Variants in TMEM182 observed in about 807,000 individuals in gnomAD.
TMEM182 encodes the protein transmembrane protein 182.
A neutral mutation model predicts 26.8 loss-of-function variants in TMEM182; 20 were observed. That is an observed-to-expected ratio of 0.75 (90% CI 0.53 to 1.09). The LOEUF (loss-of-function observed/expected upper bound fraction) is 1.09, where lower values mean the gene tolerates loss of function less well. Ranked by LOEUF, TMEM182 falls within the 50% of genes least tolerant of loss-of-function variation. TMEM182 has a pLI of 0.00. For synonymous variants in TMEM182, 109 were observed against 102.2 expected (o/e 1.07, Z -0.40); for missense variants, 277 against 275.5 (o/e 1.01, Z -0.04).
chr2:102,815,656 A>T lies in TMEM182; in HGVS notation c.*688A>T. The T allele has an allele frequency of 2.0e-6, 2 of 985,054 alleles. No individual in the cohort carries two copies. The highest frequency in any genetic ancestry group is 2.4e-6 in the Non-Finnish European group (2 of 829,562). 61.0% of individuals were successfully genotyped at this position (985,054 alleles called of 1,614,324 possible). A position where few individuals can be genotyped will look rare whatever the true frequency, so the allele number is the denominator to read the frequency against. On this transcript the variant is annotated 3_prime_UTR_variant, in exon 5 of 5. Coordinates refer to ENST00000412401, the MANE Select transcript of TMEM182 (RefSeq NM_144632.5). ...ACATTTAAAACTAGCAAATCTGCAT[A>T]CCAAATTATGTATAACGTAGATTGA...
At chr2:102,772,261 G>A (rs901139705) in intron 3 of TMEM182, among the ~76,000 whole-genome samples, 1 of 152,190 alleles carries the variant, frequency 6.6e-6, no homozygotes, top group African/African-American at 2.4e-5. Flanking sequence ...TTGAGTGCCT[G>A]CTGTATACTG....
At chr2:102,820,726 TG>T (rs1426008558), downstream of TMEM182, among the ~76,000 whole-genome samples, 1 of 152,222 alleles carries the variant, frequency 6.6e-6, no homozygotes, top group Non-Finnish European at 1.5e-5. Flanking sequence ...GGCTGGCCAT[TG>T]AAGCAGGGAG....
chr2:102,753,741 C>G (rs1004795014), intron 1 of TMEM182, among the ~76,000 whole-genome samples: 4 of 152,110 alleles, frequency 2.6e-5, no homozygotes, highest in African/African-American at 9.7e-5. Flanking sequence ...CAAATTTTGC[C>G]TATGGCCAGC....
chr2:102,754,821 G>A (rs1336280816), intron 1 of TMEM182, among the ~76,000 whole-genome samples: 1 of 152,172 alleles, frequency 6.6e-6, no homozygotes, highest in East Asian at 1.9e-4. Context: ...TGAGATTTCT[G>A]CTGAGTTTCA....
downstream of TMEM182, among the ~76,000 whole-genome samples, chr2:102,819,168 T>C (rs961092085): frequency 2.6e-5 from 4 of 152,202 alleles, no homozygotes; most frequent in Non-Finnish European, 2.9e-5. Flanking sequence ...TTAGCATTTT[T>C]CCCCATTAAT....
intron 4 of TMEM182, among the ~76,000 whole-genome samples, chr2:102,813,847 G>A (rs979541771): frequency 6.6e-6 from 1 of 152,070 alleles, no homozygotes. Context: ...TTGCTAAATT[G>A]GGATGTTGCC....
At chr2:102,799,549 A>G (rs1486318678) in intron 4 of TMEM182, among the ~76,000 whole-genome samples, 1 of 152,214 alleles carries the variant, frequency 6.6e-6, no homozygotes, top group Non-Finnish European at 1.5e-5. Context: ...TAGGTTCAAC[A>G]AAGGATGGGC....
At chr2:102,789,016 T>C (rs917477986) in intron 3 of TMEM182, among the ~76,000 whole-genome samples, 13 of 152,186 alleles carry the variant, frequency 8.5e-5, no homozygotes, top group Admixed American at 7.2e-4. Context: ...TGTATGGAGA[T>C]GAAGGCCAGG....
intron 1 of TMEM182, 26 bp downstream of exon 1, chr2:102,762,375 T>G: frequency 6.2e-7 from 1 of 1,613,604 alleles, no homozygotes. Context: ...AAAATAGTGA[T>G]GCACATGGTA....
In TMEM182 at chr2:102,816,365, C is replaced by A; in HGVS notation, c.*1397C>A. The A allele has an allele frequency of 2.0e-6, 2 of 985,256 alleles. No homozygotes were observed. Among genetic ancestry groups the A allele is most frequent in the Non-Finnish European group, 2.4e-6 (2 of 829,920 alleles). The allele number at this position is 985,256 out of a possible 1,614,324, so 61.0% of individuals were successfully genotyped here. ...GGATAGAGGAACTGCTCCTTTTCAT[C>A]AGCTCTTCCAATGCCGTGGGAGAGG... is the stretch of plus-strand genomic sequence containing the variant. On this transcript the variant is annotated 3_prime_UTR_variant, in exon 5 of 5. Transcript: ENST00000412401.
At chr2:102,764,635 G>T (rs1403783860) in intron 3 of TMEM182, among the ~76,000 whole-genome samples, 1 of 152,110 alleles carries the variant, frequency 6.6e-6, no homozygotes, top group Non-Finnish European at 1.5e-5. Flanking sequence ...TAAAGTCATT[G>T]TAATTTACTA....
upstream of TMEM182, among the ~76,000 whole-genome samples, chr2:102,761,801 G>A (rs1481202531): frequency 2.0e-5 from 3 of 152,194 alleles, no homozygotes; most frequent in East Asian, 5.8e-4. Flanking sequence ...TGGGGCCAAT[G>A]CTTTCAATGA....
chr2:102,807,163 G>T (rs1415239247), intron 4 of TMEM182, among the ~76,000 whole-genome samples: 1 of 152,138 alleles, frequency 6.6e-6, no homozygotes, highest in Non-Finnish European at 1.5e-5. Flanking sequence ...AACCCAATCA[G>T]CATTTTATAT....
chr2:102,788,106 G>T (rs1394173285), intron 3 of TMEM182, among the ~76,000 whole-genome samples: 3 of 152,120 alleles, frequency 2.0e-5, no homozygotes, highest in Non-Finnish European at 2.9e-5. Flanking sequence ...AGAATGTCTT[G>T]CTATGTTGCC....
intron 4 of TMEM182, among the ~76,000 whole-genome samples, chr2:102,811,097 T>G (rs559780473): frequency 4.7e-5 from 7 of 150,370 alleles, no homozygotes; most frequent in African/African-American, 1.7e-4. Flanking sequence ...AAATCATGCT[T>G]TGTATTTAGT....
At chr2:102,746,396 G>T (rs1679697182) in intron 1 of TMEM182, among the ~76,000 whole-genome samples, 1 of 151,886 alleles carries the variant, frequency 6.6e-6, no homozygotes, top group Non-Finnish European at 1.5e-5. Flanking sequence ...ATCTTTTATT[G>T]ATATCAATGT....
chr2:102,789,189 G>A (rs1487687885), intron 3 of TMEM182, among the ~76,000 whole-genome samples: 3 of 152,166 alleles, frequency 2.0e-5, no homozygotes, highest in East Asian at 3.9e-4. Flanking sequence ...AGGATGTGTC[G>A]AAACACAGGA....
rs963272120 is a variant in TMEM182 at position 102,817,580 on chromosome 2, G to A, written c.*2612G>A. On this transcript the variant is annotated 3_prime_UTR_variant, in exon 5 of 5. Transcript: ENST00000412401. ...CTTTCTAAAAAAAGTAATATCAAGT[G>A]TGTTGTTAGTATTCATTTAGTCATT... The A allele has an allele frequency of 6.1e-6, 6 of 985,114 alleles. No homozygotes were observed. The African/African-American group carries it at 8.7e-5, about 14-fold the overall frequency. 61.0% of individuals were successfully genotyped at this position (985,114 alleles called of 1,614,324 possible).
At chr2:102,784,717 G>T (rs1320183618) in intron 3 of TMEM182, among the ~76,000 whole-genome samples, 1 of 152,224 alleles carries the variant, frequency 6.6e-6, no homozygotes, top group Admixed American at 6.5e-5. Flanking sequence ...GCTAAACAAA[G>T]GGTGGATTAT....
Sources: gnomAD v4.1 joint callset for allele counts (sites outside exome capture counted in the v4.1 genomes callset) on GRCh38, gnomAD v4.1.1 for gene constraint, MANE v1.5 for transcripts, NCBI Gene and HGNC (gene_info 2026-07-23, HGNC 2026-07-21) for gene names.